PPP4R3B: variants seen among roughly 807,000 people sequenced by gnomAD.
PPP4R3B encodes protein phosphatase 4 regulatory subunit 3B, also known as serine/threonine-protein phosphatase 4 regulatory subunit 3B.
A neutral mutation model predicts 95.4 loss-of-function variants in PPP4R3B; 52 were observed. The observed-to-expected ratio is 0.54, with a 90% CI of 0.44 to 0.69. The LOEUF is 0.69. Ranked by LOEUF, PPP4R3B falls within the 30% of genes least tolerant of loss-of-function variation. PPP4R3B has a pLI of 0.00. For missense variants in PPP4R3B, 1,003 were observed against 1,005.9 expected, an observed-to-expected ratio of 1.00 and a Z score of 0.04; for synonymous variants, 407 against 343.9, an observed-to-expected ratio of 1.18 and a Z score of -2.03.
chr2:55,560,264 C>T (rs1368276124), intron 15 of PPP4R3B, among the ~76,000 whole-genome samples: 1 of 152,146 alleles, frequency 6.6e-6, no homozygotes, highest in Non-Finnish European at 1.5e-5. Context: ...CTGGTTTTGA[C>T]CAAAATGCTA....
At position 55,590,563 on chromosome 2, in the gene PPP4R3B, T is replaced by C. The variant is rs560176613; in HGVS notation, c.922-1607A>G. Among the ~76,000 whole-genome samples, 8 of 152,266 alleles carry C rather than the reference T, an allele frequency of 5.3e-5. No homozygotes were observed. The East Asian group carries it at 1.5e-3, about 29-fold the overall frequency. Reference sequence around the variant, plus strand: ...TTACAAAGGAAAAAATGGGCAAAAATATTAAAATTCACCTTAGAGATTTCA... The same window carrying C: ...TTACAAAGGAAAAAATGGGCAAAAACATTAAAATTCACCTTAGAGATTTCA... On this transcript the variant is annotated intron_variant, in intron 4 of 16. Coordinates refer to ENST00000616407, the MANE Select transcript of PPP4R3B (RefSeq NM_001122964.3).
At chr2:55,605,215 G>A (rs1693217292) in intron 2 of PPP4R3B, among the ~76,000 whole-genome samples, 1 of 152,040 alleles carries the variant, frequency 6.6e-6, no homozygotes, top group African/African-American at 2.4e-5. Flanking sequence ...AATAATGAAA[G>A]TTTAACGTGG....
chr2:55,611,695 A>G (rs1572746797), intron 2 of PPP4R3B, among the ~76,000 whole-genome samples: 1 of 152,228 alleles, frequency 6.6e-6, no homozygotes, highest in East Asian at 1.9e-4. Flanking sequence ...CTATAATGTT[A>G]AAAGAAGAAT....
intron 3 of PPP4R3B, 31 bp downstream of exon 3, chr2:55,603,947 A>C: frequency 6.7e-7 from 1 of 1,485,866 alleles, no homozygotes; most frequent in Non-Finnish European, 9.2e-7. Flanking sequence ...AGAAGCAAAC[A>C]TTAAGTTAAA....
chr2:55,584,641 T>C (rs562613081), intron 7 of PPP4R3B, among the ~76,000 whole-genome samples: 17 of 152,282 alleles, frequency 1.1e-4, no homozygotes, highest in Non-Finnish European at 1.9e-4. Flanking sequence ...AAAAATAGTC[T>C]CCAATCTCAC....
chr2:55,555,070 G>C (rs528290699), intron 16 of PPP4R3B, among the ~76,000 whole-genome samples: 1 of 152,146 alleles, frequency 6.6e-6, no homozygotes, highest in South Asian at 2.1e-4. Flanking sequence ...CACGAGGTCA[G>C]GAGATCGAGA....
chr2:55,570,109 G>A (rs571754228), intron 12 of PPP4R3B, among the ~76,000 whole-genome samples: 1 of 152,248 alleles, frequency 6.6e-6, no homozygotes, highest in African/African-American at 2.4e-5. Context: ...AATTAGCCAG[G>A]TGTGCTGGCA....
intron 13 of PPP4R3B, among the ~76,000 whole-genome samples, chr2:55,565,432 A>G (rs1687162843): frequency 6.6e-6 from 1 of 152,028 alleles, no homozygotes; most frequent in Non-Finnish European, 1.5e-5. Flanking sequence ...AGAAAAACCA[A>G]AATTGAGGCT....
chr2:55,592,783 G>A (rs984995691), intron 4 of PPP4R3B, among the ~76,000 whole-genome samples: 1 of 152,138 alleles, frequency 6.6e-6, no homozygotes, highest in Non-Finnish European at 1.5e-5. Context: ...TTCTAGTAAG[G>A]AGAGAAATTA....
At chr2:55,573,883 CTCCT>C in intron 11 of PPP4R3B, 106 bp from the exon 12 acceptor site, 11 of 576,672 alleles carry the variant, frequency 1.9e-5, no homozygotes, top group South Asian at 1.2e-4. Context: ...ACTGTATTTC[CTCCT>C]TTTTTTTTTT....
At chr2:55,589,629 C>G (rs1321748452) in intron 4 of PPP4R3B, among the ~76,000 whole-genome samples, 1 of 152,056 alleles carries the variant, frequency 6.6e-6, no homozygotes, top group African/African-American at 2.4e-5. Context: ...AAAATATAGT[C>G]AAGTGGCCAG....
At chr2:55,555,792 A>C (rs542029591) in intron 16 of PPP4R3B, among the ~76,000 whole-genome samples, 1 of 152,302 alleles carries the variant, frequency 6.6e-6, no homozygotes, top group Admixed American at 6.5e-5. Flanking sequence ...GAAATCTCTA[A>C]TGTCCTGATA....
At chr2:55,588,382 G>A (rs888327236) in intron 5 of PPP4R3B, among the ~76,000 whole-genome samples, 6 of 151,810 alleles carry the variant, frequency 4.0e-5, no homozygotes, top group African/African-American at 7.3e-5. Context: ...GTGTGGCAGC[G>A]CATGCCTGTA....
In PPP4R3B at chr2:55,615,495, A is replaced by C; in HGVS notation, c.154T>G (p.Leu52Val). ...VRAESDGSLL[L>V]ESKINPNTAY... Reference sequence around the variant, plus strand: ...GTATTTGGATTTATCTTTGATTCCAAGAGTAGTGATCCTGAAAGATAAAAA... The same window carrying C: ...GTATTTGGATTTATCTTTGATTCCACGAGTAGTGATCCTGAAAGATAAAAA... Residue 52 changes from leucine to valine, a missense_variant, in exon 2 of 17, where the codon TTG (leucine) becomes GTG (valine). Physicochemically the swap from Leu to Val is conservative, Grantham distance 32. This residue lies in a region of PPP4R3B where 695 missense variants were observed against 686.2 expected (regional missense o/e 1.01). Coordinates refer to ENST00000616407, the MANE Select transcript of PPP4R3B (RefSeq NM_001122964.3). The C allele has an allele frequency of 6.3e-7, 1 of 1,588,586 alleles. No homozygotes were observed.
rs758892016 is a variant in PPP4R3B, at chr2:55,617,310, A to G, written c.-25T>C. On this transcript the variant is annotated 5_prime_UTR_variant, in exon 1 of 17. Transcript: ENST00000616407. ...TGGTGGCTGCTGTCTCCACCGCTCT[A>G]GCCGCCGCCTCCTCGCTTACCTCGT... is the stretch of plus-strand genomic sequence containing the variant. 3 of 1,555,462 alleles carry G rather than the reference A, an allele frequency of 1.9e-6. No homozygotes were observed. Among genetic ancestry groups the G allele is most frequent in the Middle Eastern group, 1.7e-4 (1 of 5,726 alleles).
intron 16 of PPP4R3B, among the ~76,000 whole-genome samples, chr2:55,556,257 G>A (rs1431198718): frequency 6.6e-6 from 1 of 152,158 alleles, no homozygotes; most frequent in Non-Finnish European, 1.5e-5. Flanking sequence ...CAAGAACACT[G>A]TTTTTATCCC....
chr2:55,572,693 C>T (rs1188027072), intron 12 of PPP4R3B, among the ~76,000 whole-genome samples: 6 of 152,096 alleles, frequency 3.9e-5, no homozygotes, highest in East Asian at 1.9e-4. Flanking sequence ...TCTTACCAAT[C>T]CCATTATTGA....
chr2:55,581,442 G>C (rs75273644), intron 8 of PPP4R3B, 125 bp downstream of exon 8: 105,563 of 983,826 alleles, frequency 0.11, 6,368 homozygotes, highest in South Asian at 0.14. Context: ...ATTGCTATAA[G>C]AATACCACTG....
intron 15 of PPP4R3B, among the ~76,000 whole-genome samples, chr2:55,561,567 A>C (rs776602572): frequency 1.2e-4 from 18 of 152,202 alleles, no homozygotes; most frequent in Non-Finnish European, 2.1e-4. Context: ...GTACCTGGCA[A>C]AGCCATAGGG....
Sources: allele counts gnomAD v4.1 joint callset (sites outside exome capture counted in the v4.1 genomes callset), GRCh38; gene constraint gnomAD v4.1.1; regional missense constraint gnomAD v4.1.1; transcripts MANE v1.5; gene names NCBI Gene and HGNC (gene_info 2026-07-23, HGNC 2026-07-21).